Variants in MED23 observed in about 807,000 individuals in gnomAD.
MED23 encodes the protein mediator of RNA polymerase II transcription subunit 23.
MED23 carries 105 observed loss-of-function variants against 163.9 expected under a neutral mutation model. The observed-to-expected ratio is 0.64, with a 90% CI of 0.55 to 0.75. The LOEUF is 0.75. Among genes scored for constraint, MED23 ranks in the 30% least tolerant of loss-of-function variants. MED23 has a pLI of 0.00. For missense variants in MED23, 1,054 were observed against 1,649.0 expected, an observed-to-expected ratio of 0.64 and a Z score of 6.25; for synonymous variants, 561 against 565.6, an observed-to-expected ratio of 0.99 and a Z score of 0.12.
In MED23 at chr6:131,620,702, C is replaced by T. The variant is rs768482534; in HGVS notation, c.523G>A (p.Ala175Thr). Residue 175 changes from alanine (A) to threonine (T), a missense_variant, in exon 7 of 29, where the codon GCC becomes ACC. Ala to Thr is a moderately conservative substitution (Grantham distance 58). Coordinates refer to ENST00000368068, the MANE Select transcript of MED23 (RefSeq NM_004830.4). Reference sequence around the variant, plus strand: ...GCAAAATAGGCTGGTAATAAGCAGGCATTTCTTTCCAAGATATATGCTATA... The same window carrying T: ...GCAAAATAGGCTGGTAATAAGCAGGTATTTCTTTCCAAGATATATGCTATA... ...EVIAYILERN[A>T]CLLPAYFAVT... 5 of 1,612,926 alleles carry T rather than the reference C, an allele frequency of 3.1e-6. No individual in the cohort carries two copies. In the Admixed American group the frequency reaches 5.0e-5, roughly 16 times the overall value.
intron 9 of MED23, 59 bp from the exon 10 acceptor site, chr6:131,616,061 A>T: frequency 7.3e-7 from 1 of 1,363,336 alleles, no homozygotes; most frequent in East Asian, 2.3e-5. Flanking sequence ...AATCCAAATT[A>T]TTAGAAATGA....
At chr6:131,590,003 T>G (rs897698269) in intron 27 of MED23, among the ~76,000 whole-genome samples, 1 of 152,186 alleles carries the variant, frequency 6.6e-6, no homozygotes, top group Non-Finnish European at 1.5e-5. Context: ...GTTTGCGACA[T>G]TTTGTTAGAA....
rs573475393 is a variant in MED23, at chr6:131,574,170, C to T, written c.*123G>A. The T allele has an allele frequency of 8.0e-6, 10 of 1,243,082 alleles. No individual in the cohort carries two copies. The East Asian group carries it at 1.6e-4, about 20-fold the overall frequency. The allele number at this position is 1,243,082 out of a possible 1,614,324, so 77.0% of individuals were successfully genotyped here. On this transcript the variant is annotated 3_prime_UTR_variant, in exon 31 of 31. Coordinates refer to the MED23 transcript ENST00000354577. Reference sequence around the variant, plus strand: ...CTTAAAGAGGATAAAAAACAAAGAACAAAATCAAACAAGACAATGTATGAG... The same window carrying T: ...CTTAAAGAGGATAAAAAACAAAGAATAAAATCAAACAAGACAATGTATGAG...
At chr6:131,579,044 A>G (rs1562356485) in intron 30 of MED23, 5 of 1,551,742 alleles carry the variant, frequency 3.2e-6, no homozygotes, top group Non-Finnish European at 4.4e-6. Flanking sequence ...TACAATTGAG[A>G]TCATCCTACA....
downstream of MED23, among the ~76,000 whole-genome samples, chr6:131,586,263 G>C (rs903995785): frequency 3.3e-5 from 5 of 152,002 alleles, no homozygotes; most frequent in Admixed American, 2.6e-4. Context: ...AGCCAGGCGT[G>C]GTGGCAGGCG....
intron 24 of MED23, 59 bp from the exon 25 acceptor site, chr6:131,592,519 C>CA: frequency 7.2e-7 from 1 of 1,386,120 alleles, no homozygotes; most frequent in African/African-American, 1.4e-5. Context: ...AGATGGCTGA[C>CA]AACGGATCTT....
intron 5 of MED23, among the ~76,000 whole-genome samples, chr6:131,623,066 G>A (rs1032634974): frequency 6.6e-6 from 1 of 152,122 alleles, no homozygotes; most frequent in African/African-American, 2.4e-5. Flanking sequence ...CATTTGAAGG[G>A]ATCATAATAC....
At chr6:131,581,919 A>G (rs1280696344), downstream of MED23, among the ~76,000 whole-genome samples, 1 of 152,232 alleles carries the variant, frequency 6.6e-6, no homozygotes, top group African/African-American at 2.4e-5. Context: ...GCTCCCTAGA[A>G]ACTCCTTTTC....
chr6:131,616,484 A>G (rs896447182), intron 9 of MED23, among the ~76,000 whole-genome samples: 21 of 152,268 alleles, frequency 1.4e-4, no homozygotes, highest in African/African-American at 5.1e-4. Context: ...CTTTCTAGGC[A>G]TGTAAGTATA....
rs368402302 is a variant in MED23 at position 131,596,047 on chromosome 6, T to C, written c.2895A>G (p.Pro965=). 1.2e-6 allele frequency: 2 copies of C among 1,613,936 alleles called. No individual in the cohort carries two copies. Among genetic ancestry groups the C allele is most frequent in the Non-Finnish European group, 1.7e-6 (2 of 1,179,970 alleles). ...YFGNVCLRFL[P]VFDIVIHRFL... ...ATCTGTGGATTACTATATCAAATAC[T>C]GGAAGGAATCGAAGACACACATTCC... Residue 965 remains proline (P), a synonymous_variant, in exon 22 of 29, where the codon CCA becomes CCG. Coordinates refer to ENST00000368068, the MANE Select transcript of MED23 (RefSeq NM_004830.4).
Position 131,596,100 on chromosome 6 carries a change from G to A in MED23, c.2842C>T (p.Gln948Ter). ...AAATAGATGGGCAGATAGGGAGACT[G>A]GATCTGTACAGGAGGATCCACCTGT... Reference protein sequence around the residue: ...AEQVDPPVQIQSPYLPIYFGN... With the variant: ...AEQVDPPVQI The change falls in exon 22 of 29, where the codon CAG becomes TAG. Residue 948 changes from glutamine (Q) to a stop codon, truncating the protein, a stop_gained. Transcript: ENST00000368068. LOFTEE classifies it high-confidence loss of function. 3 of 1,614,090 alleles carry A rather than the reference G, an allele frequency of 1.9e-6. No homozygotes were observed. The highest frequency in any genetic ancestry group is 2.5e-6 in the Non-Finnish European group (3 of 1,179,998).
At chr6:131,627,517 G>T (rs780900237) in intron 2 of MED23, 34 bp from the exon 3 acceptor site, 2 of 1,598,212 alleles carry the variant, frequency 1.3e-6, no homozygotes, top group African/African-American at 2.7e-5. Context: ...TTTGTCATTC[G>T]TTTTAAAAAG....
At chr6:131,595,693 A>G (rs533553401) in intron 22 of MED23, among the ~76,000 whole-genome samples, 2 of 152,184 alleles carry the variant, frequency 1.3e-5, no homozygotes, top group South Asian at 4.1e-4. Context: ...TCCAAATCCT[A>G]CCCATCCAAG....
Position 131,591,388 on chromosome 6 carries a change from C to G in MED23, c.3611G>C (p.Ser1204Thr). ...TGCAAGAGCTAACGTATAGCTACAACTCATCTCAGAGTAGGACTGATGACA... is the reference window on the plus strand; with the variant it reads ...TGCAAGAGCTAACGTATAGCTACAAGTCATCTCAGAGTAGGACTGATGACA... Reference protein sequence around the residue: ...TACHQSYSEMSCSYTLALAHA... With the variant: ...TACHQSYSEMTCSYTLALAHA... The change falls in exon 26 of 29, where the codon AGT (serine) becomes ACT (threonine). Residue 1204 changes from serine to threonine, a missense_variant. Ser to Thr is a moderately conservative substitution (Grantham distance 58, BLOSUM62 1). Coordinates refer to ENST00000368068, the MANE Select transcript of MED23 (RefSeq NM_004830.4). 1.2e-6 allele frequency: 2 copies of G among 1,613,978 alleles called. No homozygotes were observed. Among genetic ancestry groups the G allele is most frequent in the Non-Finnish European group, 1.7e-6 (2 of 1,179,880 alleles).
intron 10 of MED23, among the ~76,000 whole-genome samples, chr6:131,611,132 A>C (rs1438636303): frequency 6.6e-6 from 1 of 152,180 alleles, no homozygotes; most frequent in African/African-American, 2.4e-5. Context: ...CCTTCTAGTG[A>C]ATACAATTAC....
downstream of MED23, chr6:131,583,567 A>AG: frequency 6.3e-7 from 1 of 1,587,264 alleles, no homozygotes; most frequent in South Asian, 1.1e-5. Context: ...TTGACCTGAA[A>AG]CCAAGTCCCA....
At position 131,595,958 on chromosome 6, in the gene MED23, T is replaced by C. The variant is rs765152762; in HGVS notation, c.2984A>G (p.Tyr995Cys). ...ETLLDHLGGL[Y>C]KFHDRPVTYL... ...TGGAAAAAGCTCACCATGAAATTTA[T>C]ATAAGCCTCCTAGATGATCCAGTAG... The change falls in exon 22 of 29, where the codon TAT becomes TGT. Residue 995 changes from tyrosine (Y) to cysteine (C), a missense_variant. By Grantham distance (194) the Tyr-to-Cys change is radical (BLOSUM62 -2). Coordinates refer to ENST00000368068, the MANE Select transcript of MED23 (RefSeq NM_004830.4). 1.2e-6 allele frequency: 2 copies of C among 1,613,498 alleles called. No homozygotes were observed. The highest frequency in any genetic ancestry group is 1.1e-5 in the South Asian group (1 of 91,076).
At chr6:131,586,118 G>C (rs951248347), downstream of MED23, among the ~76,000 whole-genome samples, 1 of 152,170 alleles carries the variant, frequency 6.6e-6, no homozygotes, top group South Asian at 2.1e-4. Flanking sequence ...TGCAGGGGCC[G>C]GGCACAGTGG....
At chr6:131,597,475 C>CAAAAAAAAAA (rs59083644) in intron 20 of MED23, among the ~76,000 whole-genome samples, 5 of 53,738 alleles carry the variant, frequency 9.3e-5, no homozygotes, top group Admixed American at 3.9e-4. Context: ...GACTCCATAT[C>CAAAAAAAAAA]AAAAAAAAAA....
Sources: gnomAD v4.1 joint callset for allele counts (sites outside exome capture counted in the v4.1 genomes callset) on GRCh38, gnomAD v4.1.1 for gene constraint, MANE v1.5 for transcripts, NCBI Gene and HGNC (gene_info 2026-07-23, HGNC 2026-07-21) for gene names.